COL16A1: variants seen among roughly 807,000 people sequenced by gnomAD.
COL16A1 encodes collagen alpha-1(XVI) chain.
Under a neutral mutation model 266.3 loss-of-function variants are expected in COL16A1, and 189 were observed. That is an observed-to-expected ratio of 0.71 (90% CI 0.63 to 0.80). COL16A1 has a LOEUF of 0.80. Among genes scored for constraint, COL16A1 ranks in the 30% least tolerant of loss-of-function variants. COL16A1 has a pLI of 0.00. For synonymous variants in COL16A1, 740 were observed against 782.3 expected (o/e 0.95, Z 0.90); for missense variants, 1,928 against 2,122.4 (o/e 0.91, Z 1.80).
intron 26 of COL16A1, 86 bp from the exon 27 acceptor site, chr1:31,686,365 C>T (rs767066573): frequency 1.1e-5 from 18 of 1,565,604 alleles, no homozygotes; most frequent in Non-Finnish European, 1.6e-5. Flanking sequence ...GTAAAAGCAA[C>T]CCCTTCAGAT....
rs759531179 is a variant in COL16A1, at chr1:31,657,155, C to T, written c.4021-87G>A. 4.0e-5 allele frequency: 62 copies of T among 1,547,324 alleles called. No individual in the cohort carries two copies. In the African/African-American group the frequency reaches 7.2e-4, roughly 18 times the overall value. On this transcript the variant is annotated intron_variant, in intron 64 of 70. Transcript: ENST00000373672. This position sits in a 1 kb window ranked among gnomAD's most constrained non-coding sequence, Gnocchi z 6.4. The stretch of plus-strand genomic sequence containing the variant: ...CACTTTGTACATGGGGCAAGCCCAG[C>T]CCCCTGTTCCACCCAGAGGCCACGA...
chr1:31,689,610 C>G (rs1229372264), intron 23 of COL16A1, 131 bp downstream of exon 23: 1 of 737,376 alleles, frequency 1.4e-6, no homozygotes. Context: ...AGAGCCTAGA[C>G]TCTCTGCCCA....
chr1:31,662,473 A>T (rs1570375841), intron 57 of COL16A1, 86 bp from the exon 58 acceptor site: 1 of 1,559,114 alleles, frequency 6.4e-7, no homozygotes. Context: ...AATTCTCTCC[A>T]CCCCTCCCCT....
At position 31,697,900 on chromosome 1, in the gene COL16A1, A is replaced by G; in HGVS notation, c.657+6T>C. The G allele has an allele frequency of 6.2e-7, 1 of 1,607,452 alleles. No homozygotes were observed. Among genetic ancestry groups the G allele is most frequent in the Non-Finnish European group, 8.5e-7 (1 of 1,176,810 alleles). On this transcript the variant is annotated splice_donor_region_variant and intron_variant, in intron 6 of 70. Coordinates refer to ENST00000373672, the MANE Select transcript of COL16A1 (RefSeq NM_001856.4). This position sits in a 1 kb window ranked among gnomAD's most constrained non-coding sequence, Gnocchi z 4.2. ...AACAGAGGTCAGGGCCTGACCTAGC[A>G]CTCACCGAGACAGGCTTGCCCTGCT...
rs1644585740 is a variant in COL16A1 at position 31,698,286 on chromosome 1, G to A, written c.391-114C>T. 2 of 1,545,468 alleles carry A rather than the reference G, an allele frequency of 1.3e-6. No individual in the cohort carries two copies. The highest frequency in any genetic ancestry group is 2.3e-5 in the East Asian group (1 of 44,432). On this transcript the variant is annotated intron_variant, in intron 5 of 70. Coordinates refer to ENST00000373672, the MANE Select transcript of COL16A1 (RefSeq NM_001856.4). This position sits in a 1 kb window ranked among gnomAD's most constrained non-coding sequence, Gnocchi z 4.1. ...CAGGAGGGGAACTGAGGCCCAGAAA[G>A]AGAAGAAAGCCGGCTGGGGTCAAGG...
At position 31,665,881 on chromosome 1, in the gene COL16A1, C is replaced by T. The variant is rs1241914075; in HGVS notation, c.3456+1G>A. ...GCAGCCAGGTCCCAGTCGTCACTCA[C>T]CTGGTCGCCCTTCTCACCGGAGTTA... On this transcript the variant is annotated splice_donor_variant, in intron 54 of 70. Coordinates refer to ENST00000373672, the MANE Select transcript of COL16A1 (RefSeq NM_001856.4). LOFTEE classifies it high-confidence loss of function. 12 of 1,614,184 alleles carry T rather than the reference C, an allele frequency of 7.4e-6. No homozygotes were observed. The highest frequency in any genetic ancestry group is 1.0e-5 in the Non-Finnish European group (12 of 1,180,018).
At chr1:31,690,116 G>A (rs11589456) in intron 22 of COL16A1, 27,661 of 646,552 alleles carry the variant, frequency 0.043, 888 homozygotes, top group African/African-American at 0.13. Context: ...GGAAACTTGG[G>A]CTAAGAGAGA....
chr1:31,684,557 C>A lies in COL16A1; in HGVS notation c.2126G>T (p.Gly709Val), dbSNP rs1482133150. The A allele has an allele frequency of 1.9e-6, 3 of 1,613,774 alleles. No individual in the cohort carries two copies. Among genetic ancestry groups the A allele is most frequent in the Non-Finnish European group, 1.7e-6 (2 of 1,179,958 alleles). The change falls in exon 31 of 71, where the codon GGA becomes GTA. Residue 709 changes from glycine (G) to valine (V), a missense_variant. Coordinates refer to ENST00000373672, the MANE Select transcript of COL16A1 (RefSeq NM_001856.4). ...TGRPGLSGEP[G>V]VQGPAGPKGE... ...TTTTGGCCCCGCGGGGCCCTGAACT[C>A]CAGGCTCTCCTGACAGTCCTGGCCG...
In COL16A1 at chr1:31,692,461, C is replaced by T. The variant is rs749346284; in HGVS notation, c.1194+13G>A. On this transcript the variant is annotated intron_variant, in intron 16 of 70. Coordinates refer to ENST00000373672, the MANE Select transcript of COL16A1 (RefSeq NM_001856.4). The stretch of plus-strand genomic sequence containing the variant: ...CTCCCTGGAAATCCCCCCTCCAAAT[C>T]CAGGCTTGTTACCTTCTCGCCTGTT... The T allele has an allele frequency of 1.2e-6, 2 of 1,609,282 alleles. No individual in the cohort carries two copies. Among genetic ancestry groups the T allele is most frequent in the East Asian group, 2.2e-5 (1 of 44,802 alleles).
intron 26 of COL16A1, chr1:31,686,497 C>A: frequency 1.4e-6 from 1 of 702,500 alleles, no homozygotes; most frequent in Non-Finnish European, 2.5e-6. Context: ...TCATGGAATC[C>A]AGCCCACCCT....
At position 31,656,869 on chromosome 1, in the gene COL16A1, G is replaced by A; in HGVS notation, c.4056+164C>T. On this transcript the variant is annotated intron_variant, in intron 65 of 70. Transcript: ENST00000373672. This position sits in a 1 kb window ranked among gnomAD's most constrained non-coding sequence, Gnocchi z 4.2. ...AAAACAAATCTCACTCCCATCCTTG[G>A]CCTCAAGTCTCTAATTCCTCTCCCC... is the stretch of plus-strand genomic sequence containing the variant. 1 of 867,248 alleles carries A rather than the reference G, an allele frequency of 1.2e-6. No individual in the cohort carries two copies. Among genetic ancestry groups the A allele is most frequent in the Non-Finnish European group, 1.8e-6 (1 of 563,748 alleles). 53.7% of individuals were successfully genotyped at this position (867,248 alleles called of 1,614,324 possible). A position where few individuals can be genotyped will look rare whatever the true frequency, so the allele number is the denominator to read the frequency against.
rs1643927702 is a variant in COL16A1 at position 31,685,574 on chromosome 1, C to CTT, written c.2016+64_2016+65insAA. The CTT allele has an allele frequency of 1.3e-6, 2 of 1,562,028 alleles. No homozygotes were observed. The highest frequency in any genetic ancestry group is 1.8e-5 in the Admixed American group (1 of 56,936). ...GGAGTCAAGAGACCCAGGCAGGACC[C>CTT]CTCCCCTCTCCTTAGCCCCGCCTGC... On this transcript the variant is annotated intron_variant, in intron 29 of 70. Coordinates refer to ENST00000373672, the MANE Select transcript of COL16A1 (RefSeq NM_001856.4). The surrounding 1 kb of genome is among the most constrained non-coding windows in gnomAD (Gnocchi z 4.0).
intron 30 of COL16A1, 41 bp from the exon 31 acceptor site, chr1:31,684,671 C>T (rs1365666541): frequency 1.2e-6 from 2 of 1,609,166 alleles, no homozygotes; most frequent in East Asian, 2.2e-5. Context: ...GATGGCCCAG[C>T]CGGGGGCAGG....
In COL16A1 at chr1:31,700,113, C is replaced by A; in HGVS notation, c.76G>T (p.Ala26Ser). Residue 26 changes from alanine (A) to serine (S), a missense_variant and splice_region_variant, in exon 3 of 71, where the codon GCA becomes TCA. Around this residue, in one of 2 missense-constraint regions of COL16A1, gnomAD observed 1,552 missense variants for 1,637.2 expected, o/e 0.95. Transcript: ENST00000373672. ...ATFGHGANTGAQCPPSQQEGL... is the reference protein window; with the variant it reads ...ATFGHGANTGSQCPPSQQEGL... ...TCCTGCTGTGAAGGTGGGCATTGTG[C>A]ACCTAGAAGAGAAGGGGCAGGGGGG... 1 of 1,614,146 alleles carries A rather than the reference C, an allele frequency of 6.2e-7. No individual in the cohort carries two copies. Among genetic ancestry groups the A allele is most frequent in the Non-Finnish European group, 8.5e-7 (1 of 1,180,014 alleles).
At chr1:31,654,971 C>CTTTTTT (rs10586841) in intron 67 of COL16A1, 113 bp from the exon 68 acceptor site, 25 of 414,380 alleles carry the variant, frequency 6.0e-5, no homozygotes, top group East Asian at 3.6e-4. Context: ...CCCACAGATT[C>CTTTTTT]TTTTTTTTTT....
intron 4 of COL16A1, among the ~76,000 whole-genome samples, chr1:31,699,061 C>G (rs1644618283): frequency 6.6e-6 from 1 of 152,164 alleles, no homozygotes; most frequent in South Asian, 2.1e-4. Flanking sequence ...CGCCACTGCA[C>G]TCCAGCCTGG....
At chr1:31,655,753 G>A (rs763413137) in intron 66 of COL16A1, 25 of 565,816 alleles carry the variant, frequency 4.4e-5, no homozygotes, top group African/African-American at 1.2e-4. Context: ...TTCGTTGGCC[G>A]GGCATGCAAG....
Position 31,697,438 on chromosome 1 carries a change from A to T in COL16A1, c.658-138T>A, listed in dbSNP as rs1644547234. ...CCAGTCTGGCCTGGGAGACATCAAA[A>T]ATAGAGTTGTCACCAAAGGCAGAAC... On this transcript the variant is annotated intron_variant, in intron 6 of 70. Transcript: ENST00000373672. This position sits in a 1 kb window ranked among gnomAD's most constrained non-coding sequence, Gnocchi z 4.2. The T allele has an allele frequency of 1.2e-6, 1 of 833,074 alleles. No homozygotes were observed. The highest frequency in any genetic ancestry group is 1.8e-6 in the Non-Finnish European group (1 of 545,040). 51.6% of individuals were successfully genotyped at this position (833,074 alleles called of 1,614,324 possible). A position where few individuals can be genotyped will look rare whatever the true frequency, so the allele number is the denominator to read the frequency against.
At chr1:31,694,320 T>C in intron 11 of COL16A1, 150 bp from the exon 12 acceptor site, 1 of 571,578 alleles carries the variant, frequency 1.7e-6, no homozygotes, top group Non-Finnish European at 3.0e-6. Context: ...CCAGGCAAAC[T>C]AGCAAGCCGA....
Sources: gnomAD v4.1 joint callset for allele counts (sites outside exome capture counted in the v4.1 genomes callset) on GRCh38, gnomAD v4.1.1 for gene constraint, gnomAD v4.1.1 regional missense constraint, Gnocchi (gnomAD v3.1) non-coding constraint, MANE v1.5 for transcripts, NCBI Gene and HGNC (gene_info 2026-07-23, HGNC 2026-07-21) for gene names.